Variants in NAV1 observed in about 807,000 individuals in gnomAD.
NAV1 encodes the protein pore membrane and/or filament interacting like protein 3.
In NAV1, 18 loss-of-function variants were observed where a neutral mutation model predicts 175.2. The observed-to-expected ratio is 0.10, with a 90% confidence interval of 0.07 to 0.15. The LOEUF is 0.15. Ranked by LOEUF, NAV1 falls within the 10% of genes least tolerant of loss-of-function variation. The pLI is 1.00. For missense variants in NAV1, 1,731 were observed against 2,436.6 expected (o/e 0.71, Z 6.10); for synonymous variants, 897 against 978.7 (o/e 0.92, Z 1.56).
chr1:201,588,562 C>T (rs11577082), exon 2 of NAV1, among the ~76,000 whole-genome samples: 11,746 of 150,110 alleles, frequency 0.078, 604 homozygotes, highest in East Asian at 0.23. Context: ...CTATGTTGCC[C>T]GGGCTGGTCT....
At chr1:201,603,414 C>A (rs564886413) in intron 2 of NAV1, among the ~76,000 whole-genome samples, 2 of 152,276 alleles carry the variant, frequency 1.3e-5, no homozygotes, top group South Asian at 4.1e-4. Flanking sequence ...GGTTGTTGTA[C>A]GTTTTCATCT....
At chr1:201,611,658 G>C (rs574352829) in intron 2 of NAV1, among the ~76,000 whole-genome samples, 1 of 152,336 alleles carries the variant, frequency 6.6e-6, no homozygotes, top group South Asian at 2.1e-4. Flanking sequence ...CTCCATGTGT[G>C]AGCTGAACAA....
At chr1:201,816,914 T>G (rs1269887598) in intron 28 of NAV1, 174 bp from the exon 33 acceptor site, 1 of 602,738 alleles carries the variant, frequency 1.7e-6, no homozygotes, top group Non-Finnish European at 2.9e-6. Flanking sequence ...CCTCAAGTGA[T>G]CTTCCTGTCT....
chr1:201,626,130 G>C (rs568031490), intron 1 of NAV1, among the ~76,000 whole-genome samples: 68 of 152,332 alleles, frequency 4.5e-4, no homozygotes, highest in African/African-American at 1.4e-3. Context: ...CCAATGGGCA[G>C]GCACCCAGCA....
Position 201,756,446 on chromosome 1 carries a change from A to G in NAV1, c.1227-23975A>G, listed in dbSNP as rs186941172. Among the ~76,000 whole-genome samples, 110 of 152,262 alleles carry G rather than the reference A, an allele frequency of 7.2e-4. No individual in the cohort carries two copies. The East Asian group carries it at 0.018, about 25-fold the overall frequency. On this transcript the variant is annotated intron_variant, in intron 3 of 29. Coordinates refer to ENST00000367296, the Ensembl canonical transcript of NAV1. ...TCTTCATATTGTTTTATGTCTCCCTACAAAATATCAACACAAGGCACAAGA... is the reference window on the plus strand; with the variant it reads ...TCTTCATATTGTTTTATGTCTCCCTGCAAAATATCAACACAAGGCACAAGA...
At chr1:201,585,465 G>A (rs1373352495) in intron 1 of NAV1, among the ~76,000 whole-genome samples, 3 of 151,718 alleles carry the variant, frequency 2.0e-5, no homozygotes, top group African/African-American at 4.8e-5. Flanking sequence ...TAGACAAATC[G>A]GACTTCAACA....
At chr1:201,599,013 C>T (rs1237835244) in intron 2 of NAV1, among the ~76,000 whole-genome samples, 1 of 152,204 alleles carries the variant, frequency 6.6e-6, no homozygotes. Context: ...TCTGGAGCCT[C>T]TAGTGGGGAC....
intron 3 of NAV1, among the ~76,000 whole-genome samples, chr1:201,759,815 T>C (rs1239036710): frequency 6.6e-6 from 1 of 152,216 alleles, no homozygotes; most frequent in African/African-American, 2.4e-5. Context: ...TAAATTCTCC[T>C]ACCTTCTCGT....
chr1:201,581,044 A>C lies in NAV1; in HGVS notation c.-143-7495A>C, dbSNP rs1002207332. 2.0e-5 allele frequency among the ~76,000 whole-genome samples: 3 copies of C among 152,336 alleles called. No individual in the cohort carries two copies. The East Asian group carries it at 5.8e-4, about 29-fold the overall frequency. ...TTGTTCGTGGGGGCCGGTGCATGGC[A>C]TAGGGAAAGGAAGACAAAACAGGAG... On this transcript the variant is annotated intron_variant, in intron 1 of 33. Transcript: ENST00000685211.
chr1:201,643,460 G>A (rs1668876509), upstream of NAV1, among the ~76,000 whole-genome samples: 1 of 145,628 alleles, frequency 6.9e-6, no homozygotes, highest in African/African-American at 2.6e-5. Context: ...TTGAGACAGG[G>A]TCTCACTCTG....
rs778199481 is a variant in NAV1 at position 201,808,856 on chromosome 1, A to C, written c.4192A>C (p.Ser1398Arg). The C allele has an allele frequency of 3.1e-5, 50 of 1,612,000 alleles. No individual in the cohort carries two copies. The highest frequency in any genetic ancestry group is 4.0e-5 in the Non-Finnish European group (47 of 1,178,858). Residue 1398 changes from serine to arginine, a missense_variant, in exon 20 of 30, where the codon AGT (serine) becomes CGT (arginine). By Grantham distance (110) the Ser-to-Arg change is moderately radical. Coordinates refer to ENST00000367296, the Ensembl canonical transcript of NAV1. The surrounding 1 kb of genome is among the most constrained non-coding windows in gnomAD (Gnocchi z 5.5). Reference sequence around the variant, plus strand: ...GGCACTCACCCATTCCTTCGGCCCCAGTCTTGCAGACACAGGTACCTGTGT... The same window carrying C: ...GGCACTCACCCATTCCTTCGGCCCCCGTCTTGCAGACACAGGTACCTGTGT...
intron 2 of NAV1, among the ~76,000 whole-genome samples, chr1:201,607,417 A>T (rs1405332365): frequency 6.6e-6 from 1 of 151,654 alleles, no homozygotes; most frequent in Non-Finnish European, 1.5e-5. Flanking sequence ...GCCAGGCCAA[A>T]TAATTTTTGT....
At chr1:201,662,713 C>A (rs1669660536) in intron 1 of NAV1, among the ~76,000 whole-genome samples, 1 of 152,212 alleles carries the variant, frequency 6.6e-6, no homozygotes. Context: ...ATTTCCACTT[C>A]TCCTGCAGGC....
chr1:201,543,247 C>T (rs1277840818), intron 1 of NAV1, among the ~76,000 whole-genome samples: 2 of 152,042 alleles, frequency 1.3e-5, no homozygotes, highest in African/African-American at 2.4e-5. Context: ...CACCAGTGAG[C>T]GTGATGTTAG....
upstream of NAV1, among the ~76,000 whole-genome samples, chr1:201,647,248 T>C (rs1353792275): frequency 6.6e-6 from 1 of 152,206 alleles, no homozygotes; most frequent in African/African-American, 2.4e-5. Context: ...AACTGCAGAC[T>C]ACTCCATCTG....
At chr1:201,797,600 T>A (rs1049624699) in intron 15 of NAV1, 1 of 152,228 alleles carries the variant, frequency 6.6e-6, no homozygotes, top group Admixed American at 6.5e-5. Flanking sequence ...TTAGAGAGTA[T>A]TGCCTCTTAA....
chr1:201,804,596 A>G (rs1188891870), intron 17 of NAV1, 99 bp downstream of exon 21: 5 of 1,133,840 alleles, frequency 4.4e-6, no homozygotes, highest in Middle Eastern at 2.0e-4. Context: ...AAAAAAAAAA[A>G]AAAAAATGAA....
intron 1 of NAV1, among the ~76,000 whole-genome samples, chr1:201,571,966 T>G (rs1053856532): frequency 3.3e-5 from 5 of 152,242 alleles, no homozygotes; most frequent in African/African-American, 4.8e-5. Flanking sequence ...ATGTGCCTAA[T>G]GCACCCATAA....
At chr1:201,647,260 C>G (rs1339096351), upstream of NAV1, among the ~76,000 whole-genome samples, 1 of 152,184 alleles carries the variant, frequency 6.6e-6, no homozygotes, top group Non-Finnish European at 1.5e-5. Context: ...CTCCATCTGG[C>G]TCTTGTTCCC....
Sources: gnomAD v4.1 joint callset for allele counts (sites outside exome capture counted in the v4.1 genomes callset) on GRCh38, gnomAD v4.1.1 for gene constraint, Gnocchi (gnomAD v3.1) non-coding constraint, MANE v1.5 for transcripts, NCBI Gene and HGNC (gene_info 2026-07-23, HGNC 2026-07-21) for gene names.